SCUBE1: variants seen among roughly 807,000 people sequenced by gnomAD.
SCUBE1 encodes signal peptide, CUB and EGF-like domain-containing protein 1.
SCUBE1 carries 59 observed loss-of-function variants against 124.4 expected under a neutral mutation model. That is an observed-to-expected ratio of 0.47 (90% CI 0.38 to 0.59). SCUBE1 has a LOEUF of 0.59. Among genes scored for constraint, SCUBE1 ranks in the 20% least tolerant of loss-of-function variants. SCUBE1 has a pLI of 0.00. For missense variants in SCUBE1, 1,150 were observed against 1,371.2 expected (o/e 0.84, Z 2.55); for synonymous variants, 545 against 550.9 (o/e 0.99, Z 0.15).
chr22:43,246,211 C>T (rs938755591), intron 6 of SCUBE1, among the ~76,000 whole-genome samples: 18 of 152,192 alleles, frequency 1.2e-4, no homozygotes, highest in Admixed American at 1.3e-4. Flanking sequence ...GCCTCCTTCA[C>T]TTCCTGCCTC....
chr22:43,343,098 A>G (rs1258244538), intron 1 of SCUBE1, 76 bp downstream of exon 1: 32 of 661,306 alleles, frequency 4.8e-5, no homozygotes, highest in East Asian at 7.0e-5. Context: ...TCCGCGGGGA[A>G]GAAGCCCTCC....
At position 43,222,629 on chromosome 22, in the gene SCUBE1, G is replaced by A. The variant is rs1334981445; in HGVS notation, c.1432+9C>T. 1.3e-6 allele frequency: 2 copies of A among 1,575,190 alleles called. No homozygotes were observed. Among genetic ancestry groups the A allele is most frequent in the Admixed American group, 1.8e-5 (1 of 56,550 alleles). On this transcript the variant is annotated intron_variant, in intron 12 of 21. Coordinates refer to ENST00000360835, the MANE Select transcript of SCUBE1 (RefSeq NM_173050.5). ...GTGGCATGCAGCATGGACAGGCCGG[G>A]GGGGTTACCTGAGCAGCTGGGCCCG...
At chr22:43,316,159 A>T (rs1054525403) in intron 3 of SCUBE1, among the ~76,000 whole-genome samples, 1 of 152,168 alleles carries the variant, frequency 6.6e-6, no homozygotes, top group Non-Finnish European at 1.5e-5. Flanking sequence ...CACGTCCATG[A>T]TCTCATTTAA....
At chr22:43,328,815 C>T (rs1926811768) in intron 2 of SCUBE1, among the ~76,000 whole-genome samples, 1 of 152,316 alleles carries the variant, frequency 6.6e-6, no homozygotes, top group African/African-American at 2.4e-5. Context: ...CCACACCAGG[C>T]ACCACCTTGA....
intron 7 of SCUBE1, among the ~76,000 whole-genome samples, chr22:43,236,662 A>C (rs1401913913): frequency 2.0e-5 from 3 of 152,128 alleles, no homozygotes; most frequent in East Asian, 1.9e-4. Context: ...CACAGTGCTG[A>C]AAATGCTTCC....
chr22:43,312,567 A>C (rs948711322), intron 3 of SCUBE1, among the ~76,000 whole-genome samples: 6 of 152,086 alleles, frequency 3.9e-5, no homozygotes, highest in Non-Finnish European at 8.8e-5. Context: ...AGGGTGCTGG[A>C]GCGGAGGGCT....
intron 21 of SCUBE1, among the ~76,000 whole-genome samples, chr22:43,205,691 CCA>C (rs1334675091): frequency 3.7e-5 from 4 of 107,034 alleles, no homozygotes; most frequent in Non-Finnish European, 7.5e-5. Flanking sequence ...TCACTCACCC[CCA>C]CACACACCAC....
intron 3 of SCUBE1, among the ~76,000 whole-genome samples, chr22:43,307,543 G>A (rs911157674): frequency 6.6e-5 from 10 of 152,262 alleles, no homozygotes; most frequent in South Asian, 2.1e-4. Flanking sequence ...CCAATCACAC[G>A]ACCGCACTGC....
chr22:43,321,997 A>T (rs1164268879), intron 2 of SCUBE1, among the ~76,000 whole-genome samples: 1 of 151,898 alleles, frequency 6.6e-6, no homozygotes, highest in Non-Finnish European at 1.5e-5. Context: ...TTATTTATTT[A>T]TTTTTTTGTC....
chr22:43,231,943 C>T (rs735704), intron 7 of SCUBE1, 68 bp from the exon 8 acceptor site: 105,525 of 1,586,174 alleles, frequency 0.067, 5,325 homozygotes, highest in East Asian at 0.31. Context: ...AGCGGGGGGA[C>T]GGCAGGCTAG....
intron 4 of SCUBE1, among the ~76,000 whole-genome samples, chr22:43,290,370 A>G (rs1925311834): frequency 1.3e-5 from 2 of 152,092 alleles, no homozygotes; most frequent in Admixed American, 1.3e-4. Flanking sequence ...CTCTGCCGCC[A>G]CCTCACAGCT....
intron 3 of SCUBE1, among the ~76,000 whole-genome samples, chr22:43,298,729 C>T (rs545770619): frequency 3.3e-5 from 5 of 151,426 alleles, no homozygotes; most frequent in Middle Eastern, 3.4e-3. Flanking sequence ...CTGGCTGTTG[C>T]TCTACAAGTC....
chr22:43,320,764 G>A (rs6003155), intron 2 of SCUBE1, among the ~76,000 whole-genome samples: 153 of 152,326 alleles, frequency 1.0e-3, no homozygotes, highest in African/African-American at 3.4e-3. Context: ...AATTTTGCAA[G>A]AGCACTGAAG....
chr22:43,269,156 C>T (rs548741927), intron 4 of SCUBE1, among the ~76,000 whole-genome samples: 5 of 152,288 alleles, frequency 3.3e-5, no homozygotes, highest in African/African-American at 9.6e-5. Context: ...AGACGTGCCC[C>T]GGGCTGTGTC....
intron 6 of SCUBE1, among the ~76,000 whole-genome samples, chr22:43,252,800 G>A (rs1160561087): frequency 6.6e-6 from 1 of 152,164 alleles, no homozygotes; most frequent in Non-Finnish European, 1.5e-5. Flanking sequence ...GACCAGCATG[G>A]GGCAGGATGG....
At chr22:43,219,255 C>T (rs1346950300) in intron 14 of SCUBE1, among the ~76,000 whole-genome samples, 1 of 152,118 alleles carries the variant, frequency 6.6e-6, no homozygotes, top group Non-Finnish European at 1.5e-5. Context: ...CTGGTGAAGA[C>T]ATAGGCACCC....
intron 2 of SCUBE1, among the ~76,000 whole-genome samples, chr22:43,330,246 G>A (rs1233702688): frequency 6.6e-6 from 1 of 152,156 alleles, no homozygotes; most frequent in Non-Finnish European, 1.5e-5. Context: ...GGCTCACGGA[G>A]TTAGGAGGGA....
At chr22:43,206,100 C>T (rs1313598925) in intron 21 of SCUBE1, among the ~76,000 whole-genome samples, 2 of 141,910 alleles carry the variant, frequency 1.4e-5, no homozygotes, top group African/African-American at 2.7e-5. Context: ...CCCATACACA[C>T]CACACATCCA....
At chr22:43,207,457 T>TGGGGCA (rs1429850859) in intron 21 of SCUBE1, 77 bp downstream of exon 21, 2 of 1,148,024 alleles carry the variant, frequency 1.7e-6, no homozygotes, top group Non-Finnish European at 2.6e-6. Context: ...GGGCCAGGGC[T>TGGGGCA]GGGGCAGGGG....
Sources: allele counts gnomAD v4.1 joint callset (sites outside exome capture counted in the v4.1 genomes callset), GRCh38; gene constraint gnomAD v4.1.1; transcripts MANE v1.5; gene names NCBI Gene and HGNC (gene_info 2026-07-23, HGNC 2026-07-21).